The following KIF14 variants were observed in gnomAD, a reference collection of about 807,000 sequenced individuals.
KIF14 encodes the protein kinesin family member 14.
A neutral mutation model predicts 176.2 loss-of-function variants in KIF14; 98 were observed. The observed-to-expected ratio is 0.56, with a 90% confidence interval of 0.47 to 0.66. The LOEUF (loss-of-function observed/expected upper bound fraction) is 0.66, where lower values mean the gene tolerates loss of function less well. Among genes scored for constraint, KIF14 ranks in the 30% least tolerant of loss-of-function variants. KIF14 has a pLI of 0.00. For missense variants in KIF14, 1,751 were observed against 1,920.4 expected, an observed-to-expected ratio of 0.91 and a Z score of 1.65; for synonymous variants, 566 against 632.2, an observed-to-expected ratio of 0.90 and a Z score of 1.57.
rs778040970 is a variant in KIF14, at chr1:200,600,493, T to C, written c.2163A>G (p.Ala721=). The change falls in exon 12 of 30, where the codon GCA becomes GCG. Residue 721 remains alanine, a synonymous_variant. Coordinates refer to ENST00000367350, the MANE Select transcript of KIF14 (RefSeq NM_014875.3). ...GAGCAGCTTTTAGCTTTGCAATTTC[T>C]GCCTTCAATTCTGAAGATTTATACA... The part of the protein sequence containing the change: ...MNAKLIRELK[A]EIAKLKAAQR... 19 of 1,611,528 alleles carry C rather than the reference T, an allele frequency of 1.2e-5. No individual in the cohort carries two copies. In the South Asian group the frequency reaches 1.9e-4, roughly 16 times the overall value.
chr1:200,617,902 T>C lies in KIF14; in HGVS notation c.822A>G (p.Glu274=), dbSNP rs767961834. Residue 274 remains glutamate, a synonymous_variant, in exon 2 of 30, where the codon GAA becomes GAG. Coordinates refer to ENST00000367350, the MANE Select transcript of KIF14 (RefSeq NM_014875.3). ...AKTSNKFGSL[E]KRTPTKCTTE... ...TTGTACATTTTGTAGGTGTTCTTTT[T>C]TCTAAGCTCCCAAATTTATTTGAAG... is the stretch of plus-strand genomic sequence containing the variant. 1.2e-6 allele frequency: 2 copies of C among 1,614,014 alleles called. No individual in the cohort carries two copies. The highest frequency in any genetic ancestry group is 2.2e-5 in the East Asian group (1 of 44,900).
intron 16 of KIF14, among the ~76,000 whole-genome samples, chr1:200,590,931 T>TG (rs1202116585): frequency 1.3e-5 from 2 of 151,710 alleles, no homozygotes; most frequent in Non-Finnish European, 2.9e-5. Context: ...GAGGCTAAGG[T>TG]GGGAGGATGG....
chr1:200,586,971 T>TGCAAAA (rs922689360), intron 18 of KIF14, among the ~76,000 whole-genome samples: 10 of 152,134 alleles, frequency 6.6e-5, no homozygotes, highest in African/African-American at 2.4e-4. Context: ...GCTATGGGTA[T>TGCAAAA]GCAAAAGCAT....
intron 29 of KIF14, 52 bp downstream of exon 29, chr1:200,554,416 G>C: frequency 8.1e-7 from 1 of 1,237,158 alleles, no homozygotes; most frequent in Non-Finnish European, 1.1e-6. Flanking sequence ...AGATGTCTAA[G>C]GTTCCTTAAA....
At chr1:200,606,004 C>A in intron 6 of KIF14, 110 bp from the exon 7 acceptor site, 2 of 532,978 alleles carry the variant, frequency 3.8e-6, no homozygotes, top group Non-Finnish European at 6.7e-6. Context: ...TCACAATGGA[C>A]TAATTCATGA....
In KIF14 at chr1:200,589,380, CAAT is replaced by C. The variant is rs1477566919; in HGVS notation, c.2962-14_2962-12del. 1.1e-5 allele frequency: 18 copies of C among 1,580,126 alleles called. No individual in the cohort carries two copies. The highest frequency in any genetic ancestry group is 1.5e-5 in the Non-Finnish European group (17 of 1,164,608). ...TTGAGACTCTTCTCTCTTTAAAGAA[CAAT>C]AATAAAAAATATCTCAGGCAAAAAC... is the stretch of plus-strand genomic sequence containing the variant. On this transcript the variant is annotated splice_polypyrimidine_tract_variant and intron_variant, in intron 17 of 29. Transcript: ENST00000367350.
chr1:200,563,354 T>A (rs1053493739), intron 25 of KIF14, among the ~76,000 whole-genome samples: 7 of 152,174 alleles, frequency 4.6e-5, no homozygotes, highest in Admixed American at 6.5e-5. Flanking sequence ...TTTCTTTTTT[T>A]AAATAGTTTA....
At chr1:200,565,315 GATC>G (rs1211812877) in intron 24 of KIF14, 62 bp from the exon 25 acceptor site, 4 of 1,483,474 alleles carry the variant, frequency 2.7e-6, no homozygotes, top group Non-Finnish European at 3.7e-6. Context: ...ACTCATATAT[GATC>G]ATCATTAAAA....
chr1:200,577,447 C>A (rs1245095802), intron 21 of KIF14, among the ~76,000 whole-genome samples: 1 of 152,070 alleles, frequency 6.6e-6, no homozygotes, highest in African/African-American at 2.4e-5. Context: ...CGTGAGCCAC[C>A]GTGCCCAGCC....
rs1571577397 is a variant in KIF14 at position 200,617,758 on chromosome 1, A to G, written c.966T>C (p.Leu322=). The G allele has an allele frequency of 6.2e-7, 1 of 1,614,172 alleles. No homozygotes were observed. The highest frequency in any genetic ancestry group is 8.5e-7 in the Non-Finnish European group (1 of 1,180,018). The change falls in exon 2 of 30, where the codon CTT becomes CTC. Residue 322 remains leucine (L), a synonymous_variant. Coordinates refer to ENST00000367350, the MANE Select transcript of KIF14 (RefSeq NM_014875.3). ...CTGCGGATCTTTCCTGTTTATTTGC[A>G]AGAAAGGAACTTTTTGGTCTTTGTT... ...QVKQRPKSSF[L]ANKQERSAEN...
At chr1:200,586,252 C>A in intron 18 of KIF14, 25 bp from the exon 19 acceptor site, 2 of 1,511,490 alleles carry the variant, frequency 1.3e-6, no homozygotes, top group Non-Finnish European at 8.9e-7. Flanking sequence ...TTCATACAGA[C>A]CCACATGTGA....
chr1:200,598,331 T>C lies in KIF14; in HGVS notation c.2455A>G (p.Met819Val), dbSNP rs1331681848. The change falls in exon 14 of 30, where the codon ATG becomes GTG. Residue 819 changes from methionine to valine, a missense_variant. Physicochemically the swap from Met to Val is conservative, Grantham distance 21. Transcript: ENST00000367350. ...DPQLSEMLLY[M>V]IKEGTTTVGK... Reference sequence around the variant, plus strand: ...ACTGTAGTTGTTCCTTCTTTTATCATATATAGCAGCATCTCAGATAGTTGT... The same window carrying C: ...ACTGTAGTTGTTCCTTCTTTTATCACATATAGCAGCATCTCAGATAGTTGT... The C allele has an allele frequency of 6.2e-7, 1 of 1,613,232 alleles. No individual in the cohort carries two copies. The highest frequency in any genetic ancestry group is 1.3e-5 in the African/African-American group (1 of 74,894).
intron 1 of KIF14, among the ~76,000 whole-genome samples, chr1:200,619,999 C>G (rs1345930162): frequency 6.6e-6 from 1 of 152,182 alleles, no homozygotes; most frequent in Non-Finnish European, 1.5e-5. Flanking sequence ...GGGTTCTAAC[C>G]TGTAAAATGA....
Position 200,608,863 on chromosome 1 carries a change from AACCAGAAGGTC to A in KIF14, c.1510_1520del (p.Asp504LeufsTer2). ...TTCTCTGCCCATTTTCATCTTTACA[AACCAGAAGGTC>A]GTGAATTTTTTCATTATATACTTCA... is the stretch of plus-strand genomic sequence containing the variant. On this transcript the variant is annotated frameshift_variant, in exon 5 of 30. Transcript: ENST00000367350. LOFTEE classifies it high-confidence loss of function. The A allele has an allele frequency of 6.2e-7, 1 of 1,609,784 alleles. No homozygotes were observed. Among genetic ancestry groups the A allele is most frequent in the Non-Finnish European group, 8.5e-7 (1 of 1,176,488 alleles).
At chr1:200,583,971 C>T (rs1484809829) in intron 19 of KIF14, among the ~76,000 whole-genome samples, 4 of 150,702 alleles carry the variant, frequency 2.7e-5, no homozygotes, top group Admixed American at 6.6e-5. Context: ...GGCCGGGCCC[C>T]GGTGGCTCAC....
intron 22 of KIF14, among the ~76,000 whole-genome samples, chr1:200,573,423 ATTTCTT>A (rs1476456879): frequency 7.1e-5 from 6 of 84,430 alleles, no homozygotes; most frequent in Non-Finnish European, 1.3e-4. Context: ...CAAGGAGCTC[ATTTCTT>A]TTTTTTTTTT....
chr1:200,618,908 C>T lies in KIF14; in HGVS notation c.-115-70G>A, dbSNP rs143045481. ...GCTTTAAAAATATAGAGAGAACATC[C>T]CATTGTGTAAGTAAATTCCCAGAGG... On this transcript the variant is annotated intron_variant, in intron 1 of 29. Transcript: ENST00000367350. 1.7e-3 allele frequency: 884 copies of T among 535,716 alleles called. 7 individuals carry two copies. Among genetic ancestry groups the T allele is most frequent in the African/African-American group, 0.015 (794 of 53,022 alleles). The allele number at this position is 535,716 out of a possible 1,614,324, so 33.2% of individuals were successfully genotyped here. A position where few individuals can be genotyped will look rare whatever the true frequency, so the allele number is the denominator to read the frequency against.
At chr1:200,566,896 CG>C (rs1326243055) in intron 23 of KIF14, among the ~76,000 whole-genome samples, 3 of 152,082 alleles carry the variant, frequency 2.0e-5, no homozygotes, top group African/African-American at 4.8e-5. Flanking sequence ...GTGTCTCAGC[CG>C]GGCACAGTGG....
Position 200,553,199 on chromosome 1 carries a change from G to C in KIF14, c.*189C>G. 2.0e-6 allele frequency: 1 copy of C among 501,722 alleles called. No individual in the cohort carries two copies. The highest frequency in any genetic ancestry group is 3.2e-6 in the Non-Finnish European group (1 of 307,774). 31.1% of individuals were successfully genotyped at this position (501,722 alleles called of 1,614,324 possible). A position where few individuals can be genotyped will look rare whatever the true frequency, so the allele number is the denominator to read the frequency against. On this transcript the variant is annotated 3_prime_UTR_variant, in exon 30 of 30. Transcript: ENST00000367350. ...CCTTGTGATCTGCCCGCCTCCCAAA[G>C]TGCTGGGATTACAGGCGTGAGCCAC...
Sources: allele counts gnomAD v4.1 joint callset (sites outside exome capture counted in the v4.1 genomes callset), GRCh38; gene constraint gnomAD v4.1.1; transcripts MANE v1.5; gene names NCBI Gene and HGNC (gene_info 2026-07-23, HGNC 2026-07-21).